Variants in DCHS1 observed in about 807,000 individuals in gnomAD.
DCHS1 encodes protocadherin-16.
In DCHS1, 78 loss-of-function variants were observed where a neutral mutation model predicts 213.9. The observed-to-expected ratio is 0.36, with a 90% CI of 0.30 to 0.44. The LOEUF is 0.44. Among genes scored for constraint, DCHS1 ranks in the 20% least tolerant of loss-of-function variants. The pLI is 1.00. For missense variants in DCHS1, 3,946 were observed against 4,395.9 expected, an observed-to-expected ratio of 0.90 and a Z score of 2.89; for synonymous variants, 1,828 against 1,873.7, an observed-to-expected ratio of 0.98 and a Z score of 0.63.
chr11:6,628,491 A>G lies in DCHS1; in HGVS notation c.5371+130T>C. ...CCTAGCTACACTGGGTATAAGCATG[A>G]AAGAAAAGGTGGACGACATCAAGAG... On this transcript the variant is annotated intron_variant, in intron 13 of 20. Coordinates refer to ENST00000299441, the MANE Select transcript of DCHS1 (RefSeq NM_003737.4). This position sits in a 1 kb window ranked among gnomAD's most constrained non-coding sequence, Gnocchi z 4.3. 1.0e-6 allele frequency: 1 copy of G among 975,588 alleles called. No individual in the cohort carries two copies. The highest frequency in any genetic ancestry group is 1.5e-5 in the South Asian group (1 of 66,992). The allele number at this position is 975,588 out of a possible 1,614,324, so 60.4% of individuals were successfully genotyped here.
In DCHS1 at chr11:6,622,972, C is replaced by A. The variant is rs868572826; in HGVS notation, c.8704G>T (p.Val2902Leu). 3 of 1,573,720 alleles carry A rather than the reference C, an allele frequency of 1.9e-6. No homozygotes were observed. Among genetic ancestry groups the A allele is most frequent in the African/African-American group, 2.7e-5 (2 of 73,890 alleles). ...REAPRELRLE[V>L]IARGPLPGSR... ...CCAGGCAGAGGCCCCCGTGCTATCA[C>A]CTCCAGCCTCAGCTCCCGTGGTGCT... is the stretch of plus-strand genomic sequence containing the variant. The change falls in exon 21 of 21, where the codon GTG becomes TTG. Residue 2902 changes from valine (V) to leucine (L), a missense_variant. Around this residue, in one of 3 missense-constraint regions of DCHS1, gnomAD observed 554 missense variants for 590.2 expected, o/e 0.94. Transcript: ENST00000299441. This position sits in a 1 kb window ranked among gnomAD's most constrained non-coding sequence, Gnocchi z 5.4.
In DCHS1 at chr11:6,624,212, A is replaced by G; in HGVS notation, c.7464T>C (p.Arg2488=). 2 of 1,613,360 alleles carry G rather than the reference A, an allele frequency of 1.2e-6. No homozygotes were observed. Among genetic ancestry groups the G allele is most frequent in the South Asian group, 2.2e-5 (2 of 91,046 alleles). ...GGGGCAGGTCTTCAGTCACAGCCAC[A>G]CGGTAGTGTGACAATGTGAAGCTCG... ...HAPSFTLSHY[R]VAVTEDLPPG... is the part of the protein sequence containing the mutation. Residue 2488 remains arginine (R), a synonymous_variant, in exon 21 of 21, where the codon CGT becomes CGC. Transcript: ENST00000299441.
chr11:6,625,343 G>A lies in DCHS1; in HGVS notation c.7001C>T (p.Thr2334Met), dbSNP rs753548138. ...ACACTGCTCAAAGTCCAGGGGCCCC[G>A]TGAGGGAGACACGGCCTCCATAGCG... ...VGRYGGRVSLTGPLDFEQCDR... is the reference protein window; with the variant it reads ...VGRYGGRVSLMGPLDFEQCDR... The change falls in exon 19 of 21, where the codon ACG becomes ATG. Residue 2334 changes from threonine (T) to methionine (M), a missense_variant. By Grantham distance (81) the Thr-to-Met change is moderately conservative. This residue lies in a region of DCHS1 where 3,384 missense variants were observed against 3,780.1 expected (regional missense o/e 0.90). Transcript: ENST00000299441. This position sits in a 1 kb window ranked among gnomAD's most constrained non-coding sequence, Gnocchi z 5.3. The A allele has an allele frequency of 2.0e-5, 33 of 1,613,626 alleles. No individual in the cohort carries two copies. Among genetic ancestry groups the A allele is most frequent in the South Asian group, 8.8e-5 (8 of 91,084 alleles).
In DCHS1 at chr11:6,630,026, C is replaced by A; in HGVS notation, c.4768G>T (p.Gly1590Cys). The A allele has an allele frequency of 6.4e-7, 1 of 1,557,274 alleles. No individual in the cohort carries two copies. The highest frequency in any genetic ancestry group is 8.7e-7 in the Non-Finnish European group (1 of 1,148,026). ...VSYRLASGGD[G>C]HFRLHSSTGA... ...GTGCTTGAGTGCAGCCGGAAGTGGC[C>A]GTCCCCGCCAGATGCCAGCCGATAG... The change falls in exon 10 of 21, where the codon GGC becomes TGC. Residue 1590 changes from glycine to cysteine, a missense_variant. By Grantham distance (159) the Gly-to-Cys change is radical (BLOSUM62 -3). Coordinates refer to ENST00000299441, the MANE Select transcript of DCHS1 (RefSeq NM_003737.4).
In DCHS1 at chr11:6,621,714, TCA is replaced by T; in HGVS notation, c.*63_*64del. 1 of 1,525,912 alleles carries T rather than the reference TCA, an allele frequency of 6.6e-7. No individual in the cohort carries two copies. The highest frequency in any genetic ancestry group is 8.8e-7 in the Non-Finnish European group (1 of 1,134,854). 94.5% of individuals were successfully genotyped at this position (1,525,912 alleles called of 1,614,324 possible). A position where few individuals can be genotyped will look rare whatever the true frequency, so the allele number is the denominator to read the frequency against. Reference sequence around the variant, plus strand: ...TAGTCCGAGGCTGCCCAGGGCAGGCTCAGAGTGGGGCCTGCGTTGGGGACACT... The same window carrying T: ...TAGTCCGAGGCTGCCCAGGGCAGGCTGAGTGGGGCCTGCGTTGGGGACACT... On this transcript the variant is annotated 3_prime_UTR_variant, in exon 21 of 21. Coordinates refer to ENST00000299441, the MANE Select transcript of DCHS1 (RefSeq NM_003737.4).
chr11:6,626,352 C>G lies in DCHS1; in HGVS notation c.6393G>C (p.Gly2131=). 1 of 1,613,550 alleles carries G rather than the reference C, an allele frequency of 6.2e-7. No individual in the cohort carries two copies. The highest frequency in any genetic ancestry group is 8.5e-7 in the Non-Finnish European group (1 of 1,179,696). Residue 2131 remains glycine, a synonymous_variant, in exon 16 of 21, where the codon GGG becomes GGC. Coordinates refer to ENST00000299441, the MANE Select transcript of DCHS1 (RefSeq NM_003737.4). This position sits in a 1 kb window ranked among gnomAD's most constrained non-coding sequence, Gnocchi z 5.2. ...TGAITVRSAE[G]LDFEVSPRLR... ...GCCGTGGACTCACCTCGAAGTCTAG[C>G]CCCTCTGCTGAGCGAACTGTGATGG...
chr11:6,627,140 G>A lies in DCHS1; in HGVS notation c.5899C>T (p.Leu1967=), dbSNP rs761889508. Residue 1967 remains leucine (L), a synonymous_variant, in exon 14 of 21, where the codon CTA becomes TTA. Transcript: ENST00000299441. This position sits in a 1 kb window ranked among gnomAD's most constrained non-coding sequence, Gnocchi z 5.4. ...CTGGGGCCTGGGCGGGGCAGACGTA[G>A]GCGCAGAGGACTGGTGGGGAAGGTG... The part of the protein sequence containing the change: ...APTFPTSPLR[L]RLPRPGPSFS... 8.7e-6 allele frequency: 14 copies of A among 1,612,388 alleles called. No homozygotes were observed. The highest frequency in any genetic ancestry group is 1.6e-4 in the Middle Eastern group (1 of 6,080).
In DCHS1 at chr11:6,625,775, A is replaced by T; in HGVS notation, c.6732-48T>A. On this transcript the variant is annotated intron_variant, in intron 17 of 20. Transcript: ENST00000299441. The surrounding 1 kb of genome is among the most constrained non-coding windows in gnomAD (Gnocchi z 5.3). Reference sequence around the variant, plus strand: ...GGGTGGGACATGGCAATAAGGGGGAACTCTGGGCAGGGCCAGGAGGACTCA... The same window carrying T: ...GGGTGGGACATGGCAATAAGGGGGATCTCTGGGCAGGGCCAGGAGGACTCA... 1.9e-6 allele frequency: 3 copies of T among 1,590,320 alleles called. No individual in the cohort carries two copies. Among genetic ancestry groups the T allele is most frequent in the Non-Finnish European group, 2.6e-6 (3 of 1,167,552 alleles).
At position 6,622,957 on chromosome 11, in the gene DCHS1, G is replaced by T; in HGVS notation, c.8719C>A (p.Pro2907Thr). The change falls in exon 21 of 21, where the codon CCT (proline) becomes ACT (threonine). Residue 2907 changes from proline to threonine, a missense_variant. Coordinates refer to ENST00000299441, the MANE Select transcript of DCHS1 (RefSeq NM_003737.4). This position sits in a 1 kb window ranked among gnomAD's most constrained non-coding sequence, Gnocchi z 5.4. ...GTGGCACTCCGGGAACCAGGCAGAG[G>T]CCCCCGTGCTATCACCTCCAGCCTC... ...ELRLEVIARG[P>T]LPGSRSATVP... 1 of 1,578,222 alleles carries T rather than the reference G, an allele frequency of 6.3e-7. No homozygotes were observed. Among genetic ancestry groups the T allele is most frequent in the Non-Finnish European group, 8.6e-7 (1 of 1,162,394 alleles).
Position 6,626,183 on chromosome 11 carries a change from C to T in DCHS1, c.6562G>A (p.Gly2188Arg), listed in dbSNP as rs768129052. Residue 2188 changes from glycine (G) to arginine (R), a missense_variant, in exon 16 of 21, where the codon GGG becomes AGG. Physicochemically the swap from Gly to Arg is moderately radical, Grantham distance 125. This residue lies in a region of DCHS1 where 3,384 missense variants were observed against 3,780.1 expected (regional missense o/e 0.90). Coordinates refer to ENST00000299441, the MANE Select transcript of DCHS1 (RefSeq NM_003737.4). This position sits in a 1 kb window ranked among gnomAD's most constrained non-coding sequence, Gnocchi z 5.2. ...ACACCCCGCACCTGCAGCAGGGGCCCCTCCAAGGGCCGGGACTCAGGAAGG... is the reference window on the plus strand; with the variant it reads ...ACACCCCGCACCTGCAGCAGGGGCCTCTCCAAGGGCCGGGACTCAGGAAGG... ...AFLPESRPLE[G>R]PLLQVEADDL... 4 of 1,607,738 alleles carry T rather than the reference C, an allele frequency of 2.5e-6. No individual in the cohort carries two copies. Among genetic ancestry groups the T allele is most frequent in the South Asian group, 2.2e-5 (2 of 90,008 alleles).
intron 2 of DCHS1, among the ~76,000 whole-genome samples, chr11:6,639,226 C>A (rs557301746): frequency 6.6e-6 from 1 of 152,156 alleles, no homozygotes; most frequent in African/African-American, 2.4e-5. Flanking sequence ...GTTTCATGTT[C>A]CCTCCATTTC....
intron 7 of DCHS1, 35 bp downstream of exon 7, chr11:6,631,581 C>T (rs1855908202): frequency 1.3e-6 from 2 of 1,551,322 alleles, no homozygotes; most frequent in Non-Finnish European, 1.7e-6. Context: ...CTCCCTCTCA[C>T]ACTTCTCAGG....
chr11:6,634,405 TG>T, intron 2 of DCHS1, 99 bp from the exon 3 acceptor site: 2 of 1,355,678 alleles, frequency 1.5e-6, no homozygotes, highest in South Asian at 3.0e-5. Context: ...AGTCTCTGGA[TG>T]GCGGACACAC....
rs1855871158 is a variant in DCHS1, at chr11:6,629,838, G to C, written c.4869C>G (p.Asp1623Glu). The change falls in exon 11 of 21, where the codon GAC becomes GAG. Residue 1623 changes from aspartate (D) to glutamate (E), a missense_variant. Coordinates refer to ENST00000299441, the MANE Select transcript of DCHS1 (RefSeq NM_003737.4). ...TGGCCGAGCGCGGCGGGGAGCCGTGGTCTGAGGCCACCACTGTCAGTACGT... is the reference window on the plus strand; with the variant it reads ...TGGCCGAGCGCGGCGGGGAGCCGTGCTCTGAGGCCACCACTGTCAGTACGT... ...AEHVLTVVAS[D>E]HGSPPRSATQ... The C allele has an allele frequency of 1.2e-6, 2 of 1,613,050 alleles. No homozygotes were observed. Among genetic ancestry groups the C allele is most frequent in the Non-Finnish European group, 1.7e-6 (2 of 1,179,884 alleles).
chr11:6,634,836 G>C, intron 2 of DCHS1: 1 of 152,166 alleles, frequency 6.6e-6, no homozygotes, highest in Non-Finnish European at 1.5e-5. Context: ...AAGCATGAGA[G>C]CCCAAATGAG....
In DCHS1 at chr11:6,631,092, G is replaced by C; in HGVS notation, c.3891C>G (p.Gly1297=). Residue 1297 remains glycine (G), a synonymous_variant, in exon 9 of 21, where the codon GGC becomes GGG. Coordinates refer to ENST00000299441, the MANE Select transcript of DCHS1 (RefSeq NM_003737.4). The part of the protein sequence containing the change: ...YVLTLSAHDQ[G]SPPRSASLQL... ...GGAGGCTGGCACTTCGAGGAGGGCT[G>C]CCTTGGTCATGAGCACTCAGTGTCA... 1 of 1,613,002 alleles carries C rather than the reference G, an allele frequency of 6.2e-7. No homozygotes were observed. Among genetic ancestry groups the C allele is most frequent in the Non-Finnish European group, 8.5e-7 (1 of 1,179,222 alleles).
Position 6,621,745 on chromosome 11 carries a change from C to T in DCHS1, c.*34G>A, listed in dbSNP as rs756962926. 227 of 1,546,674 alleles carry T rather than the reference C, an allele frequency of 1.5e-4. No homozygotes were observed. Among genetic ancestry groups the T allele is most frequent in the African/African-American group, 1.9e-4 (14 of 73,256 alleles). On this transcript the variant is annotated 3_prime_UTR_variant, in exon 21 of 21. Transcript: ENST00000299441. ...TGGGGCCTGCGTTGGGGACACTGTGCGCATCCCAGGTCGGGGCCCAGCCTG... is the reference window on the plus strand; with the variant it reads ...TGGGGCCTGCGTTGGGGACACTGTGTGCATCCCAGGTCGGGGCCCAGCCTG...
chr11:6,640,197 C>G lies in DCHS1; in HGVS notation c.1417G>C (p.Asp473His), dbSNP rs1228879255. ...GGCTCAGGTCGGTAGAGCTGGCGGT[C>G]AAAGGCAGGTGCATTGTCGTTGACA... ...TDVNDNAPAF[D>H]RQLYRPEPLP... Residue 473 changes from aspartate (D) to histidine (H), a missense_variant, in exon 2 of 21, where the codon GAC becomes CAC. Physicochemically the swap from Asp to His is moderately conservative, Grantham distance 81. Coordinates refer to ENST00000299441, the MANE Select transcript of DCHS1 (RefSeq NM_003737.4). The surrounding 1 kb of genome is among the most constrained non-coding windows in gnomAD (Gnocchi z 6.5). The G allele has an allele frequency of 6.2e-7, 1 of 1,613,602 alleles. No homozygotes were observed. Among genetic ancestry groups the G allele is most frequent in the Non-Finnish European group, 8.5e-7 (1 of 1,179,744 alleles).
At chr11:6,647,644 C>A (rs1856183304) in intron 1 of DCHS1, among the ~76,000 whole-genome samples, 2 of 152,196 alleles carry the variant, frequency 1.3e-5, no homozygotes, top group African/African-American at 2.4e-5. Context: ...AGGAAGGAAT[C>A]CCGGCTTCCA....
Sources: allele counts gnomAD v4.1 joint callset (sites outside exome capture counted in the v4.1 genomes callset), GRCh38; gene constraint gnomAD v4.1.1; regional missense constraint gnomAD v4.1.1; non-coding constraint Gnocchi (gnomAD v3.1); transcripts MANE v1.5; gene names NCBI Gene and HGNC (gene_info 2026-07-23, HGNC 2026-07-21).